Variants in DLEC1 observed in about 807,000 individuals in gnomAD.
DLEC1 encodes DLEC1 cilia and flagella associated protein, also known as deleted in lung and esophageal cancer protein 1.
A neutral mutation model predicts 198.1 loss-of-function variants in DLEC1; 146 were observed. That is an observed-to-expected ratio of 0.74 (90% CI 0.64 to 0.85). DLEC1 has a LOEUF of 0.85. Ranked by LOEUF, DLEC1 falls within the 40% of genes least tolerant of loss-of-function variation. The pLI, the probability that DLEC1 is intolerant of heterozygous loss-of-function variation, is 0.00. For missense variants in DLEC1, 2,233 were observed against 2,220.0 expected, an observed-to-expected ratio of 1.01 and a Z score of -0.12; for synonymous variants, 897 against 866.8, an observed-to-expected ratio of 1.03 and a Z score of -0.61.
In DLEC1 at chr3:38,122,905, A is replaced by C. The variant is rs546313853; in HGVS notation, c.*493A>C. 1,948 of 885,850 alleles carry C rather than the reference A, an allele frequency of 2.2e-3. 2 individuals are homozygous for C. The highest frequency in any genetic ancestry group is 3.0e-3 in the Non-Finnish European group (1,730 of 574,966). 54.9% of individuals were successfully genotyped at this position (885,850 alleles called of 1,614,324 possible). Reference sequence around the variant, plus strand: ...ATGTCATCAGTGTTCACATTTTCCAAATGAGTTGAAGTGCCTTGATCTGTC... The same window carrying C: ...ATGTCATCAGTGTTCACATTTTCCACATGAGTTGAAGTGCCTTGATCTGTC... On this transcript the variant is annotated 3_prime_UTR_variant, in exon 37 of 37. Transcript: ENST00000308059.
chr3:38,123,437 C>A lies in DLEC1; in HGVS notation c.*1025C>A. 1 of 258,184 alleles carries A rather than the reference C, an allele frequency of 3.9e-6. No individual in the cohort carries two copies. The highest frequency in any genetic ancestry group is 1.0e-4 in the South Asian group (1 of 9,800). The allele number at this position is 258,184 out of a possible 1,614,324, so 16.0% of individuals were successfully genotyped here. ...ATCCCAAAAGACACAATCCCAAACACAATCATCCCAAATGTTGAAATCCTG... is the reference window on the plus strand; with the variant it reads ...ATCCCAAAAGACACAATCCCAAACAAAATCATCCCAAATGTTGAAATCCTG... On this transcript the variant is annotated 3_prime_UTR_variant, in exon 37 of 37. Coordinates refer to ENST00000308059, the MANE Select transcript of DLEC1 (RefSeq NM_007335.4).
At position 38,122,641 on chromosome 3, in the gene DLEC1, G is replaced by A. The variant is rs1700550787; in HGVS notation, c.*229G>A. The A allele has an allele frequency of 3.3e-6, 5 of 1,500,594 alleles. No homozygotes were observed. Among genetic ancestry groups the A allele is most frequent in the Non-Finnish European group, 3.5e-6 (4 of 1,129,644 alleles). 93.0% of individuals were successfully genotyped at this position (1,500,594 alleles called of 1,614,324 possible). ...ACACCACAGCAGAGACCACCACATT[G>A]AGATCACTACTCAGTGCATAGCGAA... On this transcript the variant is annotated 3_prime_UTR_variant, in exon 37 of 37. Coordinates refer to ENST00000308059, the MANE Select transcript of DLEC1 (RefSeq NM_007335.4).
intron 27 of DLEC1, among the ~76,000 whole-genome samples, chr3:38,115,433 G>T (rs1291072140): frequency 6.6e-6 from 1 of 152,182 alleles, no homozygotes; most frequent in Non-Finnish European, 1.5e-5. Context: ...CTGAAGGGAA[G>T]GCCGGAGTGC....
At position 38,039,241 on chromosome 3, in the gene DLEC1, T is replaced by C. The variant is rs1700527807; in HGVS notation, c.16T>C (p.Ser6Pro). 2 of 1,606,154 alleles carry C rather than the reference T, an allele frequency of 1.2e-6. No homozygotes were observed. Among genetic ancestry groups the C allele is most frequent in the East Asian group, 2.2e-5 (1 of 44,744 alleles). The change falls in exon 1 of 37, where the codon TCC becomes CCC. Residue 6 changes from serine (S) to proline (P), a missense_variant. Physicochemically the swap from Ser to Pro is moderately conservative, Grantham distance 74 (BLOSUM62 -1). Transcript: ENST00000308059. Reference sequence around the variant, plus strand: ...CTCGGTTGCCATGGAGACCAGGAGCTCCAAAACGCGGAGGTCTTTAGCGTC... The same window carrying C: ...CTCGGTTGCCATGGAGACCAGGAGCCCCAAAACGCGGAGGTCTTTAGCGTC... METRS[S>P]KTRRSLASRT...
chr3:38,064,539 G>A (rs182097914), intron 6 of DLEC1, among the ~76,000 whole-genome samples: 1,856 of 152,266 alleles, frequency 0.012, 40 homozygotes, highest in African/African-American at 0.04. Flanking sequence ...CCTCCCAGAC[G>A]GGGTGGCGGC....
chr3:38,108,903 A>G (rs1430461078), intron 21 of DLEC1, among the ~76,000 whole-genome samples: 1 of 152,208 alleles, frequency 6.6e-6, no homozygotes, highest in African/African-American at 2.4e-5. Flanking sequence ...ACTGGTACCT[A>G]GGTTTCCCGC....
At chr3:38,084,329 A>G (rs1322089025) in intron 7 of DLEC1, 84 bp downstream of exon 7, 1 of 1,137,054 alleles carries the variant, frequency 8.8e-7, no homozygotes, top group Non-Finnish European at 1.3e-6. Context: ...TGGTGGTAGT[A>G]ATGGTAGCAA....
At position 38,085,319 on chromosome 3, in the gene DLEC1, G is replaced by A. The variant is rs759355249; in HGVS notation, c.1307G>A (p.Cys436Tyr). The A allele has an allele frequency of 1.2e-6, 2 of 1,614,140 alleles. 1 individual carries two copies. The highest frequency in any genetic ancestry group is 2.2e-5 in the South Asian group (2 of 91,090). ...GGAATGGTGGCTCCTGGAATGACCT[G>A]CCAGTACATTGTCCAGTTTTTTCCC... Reference protein sequence around the residue: ...KGGMVAPGMTCQYIVQFFPDC... With the variant: ...KGGMVAPGMTYQYIVQFFPDC... Residue 436 changes from cysteine (C) to tyrosine (Y), a missense_variant, in exon 8 of 37, where the codon TGC (cysteine) becomes TAC (tyrosine). Coordinates refer to ENST00000308059, the MANE Select transcript of DLEC1 (RefSeq NM_007335.4).
At position 38,120,425 on chromosome 3, in the gene DLEC1, A is replaced by T. The variant is rs1425342076; in HGVS notation, c.4705-23A>T. Reference sequence around the variant, plus strand: ...CACCTGCCCTCTGCAGCCGGAGTTGACACCATGTCCACATCTGCTCAGGTG... The same window carrying T: ...CACCTGCCCTCTGCAGCCGGAGTTGTCACCATGTCCACATCTGCTCAGGTG... On this transcript the variant is annotated intron_variant, in intron 33 of 36. Coordinates refer to ENST00000308059, the MANE Select transcript of DLEC1 (RefSeq NM_007335.4). 6 of 1,612,672 alleles carry T rather than the reference A, an allele frequency of 3.7e-6. No homozygotes were observed. The South Asian group carries it at 6.6e-5, about 18-fold the overall frequency.
At chr3:38,098,003 G>A (rs1699122481) in intron 18 of DLEC1, 101 bp downstream of exon 18, 1 of 1,466,694 alleles carries the variant, frequency 6.8e-7, no homozygotes, top group Admixed American at 2.1e-5. Context: ...GAGCTTCGAG[G>A]CTGGTGGAGG....
chr3:38,097,127 C>A, intron 15 of DLEC1, 55 bp from the exon 16 acceptor site: 1 of 1,445,122 alleles, frequency 6.9e-7, no homozygotes, highest in Non-Finnish European at 9.5e-7. Context: ...TCAGCAGGTA[C>A]AGAATTGACA....
chr3:38,117,457 T>A, intron 31 of DLEC1, 70 bp from the exon 32 acceptor site: 1 of 1,608,478 alleles, frequency 6.2e-7, no homozygotes, highest in Non-Finnish European at 8.5e-7. Context: ...CGAGGCTGGA[T>A]GAGCAGAGTG....
At chr3:38,108,591 G>A in intron 21 of DLEC1, 76 bp downstream of exon 21, 1 of 1,219,850 alleles carries the variant, frequency 8.2e-7, no homozygotes, top group Non-Finnish European at 1.2e-6. Context: ...CACCAGGGAG[G>A]CCCTAGCTTA....
At chr3:38,042,919 T>G (rs1022531712) in intron 1 of DLEC1, among the ~76,000 whole-genome samples, 5 of 152,190 alleles carry the variant, frequency 3.3e-5, no homozygotes, top group Admixed American at 2.0e-4. Flanking sequence ...TTCTTTGCTT[T>G]TCCTCACTCG....
At position 38,123,249 on chromosome 3, in the gene DLEC1, G is replaced by T; in HGVS notation, c.*837G>T. The stretch of plus-strand genomic sequence containing the variant: ...CATCAGACCAGATCTGTGGGCAAGC[G>T]GTACCCTGGCCTCCCACTTGGGCAC... On this transcript the variant is annotated 3_prime_UTR_variant, in exon 37 of 37. Coordinates refer to ENST00000308059, the MANE Select transcript of DLEC1 (RefSeq NM_007335.4). 1.2e-6 allele frequency: 1 copy of T among 854,652 alleles called. No homozygotes were observed. Among genetic ancestry groups the T allele is most frequent in the Non-Finnish European group, 1.9e-6 (1 of 525,938 alleles). 52.9% of individuals were successfully genotyped at this position (854,652 alleles called of 1,614,324 possible).
intron 27 of DLEC1, among the ~76,000 whole-genome samples, chr3:38,115,995 G>A (rs1450270408): frequency 6.6e-6 from 1 of 152,122 alleles, no homozygotes; most frequent in East Asian, 1.9e-4. Context: ...TGCAAAGGGA[G>A]ATACGAGGAT....
chr3:38,112,456 C>T lies in DLEC1; in HGVS notation c.3666+95C>T. On this transcript the variant is annotated intron_variant, in intron 25 of 36. Transcript: ENST00000308059. This position sits in a 1 kb window ranked among gnomAD's most constrained non-coding sequence, Gnocchi z 4.8. ...TCCCCTCCAACACCTGGCCCTCAGA[C>T]TCTCAAACCTCACCAGGTTGAAACG... The T allele has an allele frequency of 6.5e-7, 1 of 1,542,432 alleles. No individual in the cohort carries two copies. The highest frequency in any genetic ancestry group is 8.8e-7 in the Non-Finnish European group (1 of 1,131,394).
chr3:38,110,803 CACACATGCATACACACATACATAT>C (rs1330815337), intron 23 of DLEC1, among the ~76,000 whole-genome samples: 3 of 151,994 alleles, frequency 2.0e-5, no homozygotes, highest in East Asian at 1.9e-4. Context: ...TACATATACA[CACACATGCATACACACATACATAT>C]ACACATGCAT....
chr3:38,100,569 C>T, intron 19 of DLEC1, 144 bp downstream of exon 19: 1 of 1,219,432 alleles, frequency 8.2e-7, no homozygotes, highest in Non-Finnish European at 1.1e-6. Context: ...TTGTAAATTA[C>T]AGAAAAGAAA....
Sources: gnomAD v4.1 joint callset for allele counts (sites outside exome capture counted in the v4.1 genomes callset) on GRCh38, gnomAD v4.1.1 for gene constraint, Gnocchi (gnomAD v3.1) non-coding constraint, MANE v1.5 for transcripts, NCBI Gene and HGNC (gene_info 2026-07-23, HGNC 2026-07-21) for gene names.